ABLIM1: variants seen among roughly 807,000 people sequenced by gnomAD.
ABLIM1 encodes actin-binding LIM protein 1.
ABLIM1 carries 40 observed loss-of-function variants against 107.0 expected under a neutral mutation model. That is an observed-to-expected ratio of 0.37 (90% CI 0.29 to 0.49). The LOEUF (loss-of-function observed/expected upper bound fraction) is 0.49, where lower values mean the gene tolerates loss of function less well. Ranked by LOEUF, ABLIM1 falls within the 20% of genes least tolerant of loss-of-function variation. The pLI, the probability that ABLIM1 is intolerant of heterozygous loss-of-function variation, is 0.97. For synonymous variants in ABLIM1, 357 were observed against 357.3 expected (o/e 1.00, Z 0.01); for missense variants, 857 against 1,008.5 (o/e 0.85, Z 2.04).
chr10:114,755,337 C>T (rs1426048962), intron 1 of ABLIM1, among the ~76,000 whole-genome samples: 1 of 152,188 alleles, frequency 6.6e-6, no homozygotes, highest in Non-Finnish European at 1.5e-5. Context: ...AACTGTCTTC[C>T]ACGAAACCAG....
intron 1 of ABLIM1, chr10:114,632,087 C>CGAT: frequency 2.0e-6 from 2 of 985,276 alleles, no homozygotes; most frequent in Non-Finnish European, 2.4e-6. Flanking sequence ...CCCGCCTCGG[C>CGAT]GGGCCCCGCT....
chr10:114,521,851 A>G (rs1241438445), intron 6 of ABLIM1, among the ~76,000 whole-genome samples: 1 of 152,190 alleles, frequency 6.6e-6, no homozygotes, highest in Non-Finnish European at 1.5e-5. Flanking sequence ...ATACAAGCAG[A>G]TAAGAATTCC....
intron 6 of ABLIM1, among the ~76,000 whole-genome samples, chr10:114,502,753 A>C (rs895108406): frequency 2.6e-5 from 4 of 152,086 alleles, no homozygotes; most frequent in Admixed American, 1.3e-4. Context: ...CACCTGGCCA[A>C]ATTTTTAAGT....
At chr10:114,778,627 T>A in the ABLIM1 span, 8 of 146,522 alleles carry the variant, frequency 5.5e-5, no homozygotes, top group Non-Finnish European at 6.0e-5. Context: ...ATTTTAACAA[T>A]ACCAAACTCC....
Position 114,453,482 on chromosome 10 carries a change from G to T in ABLIM1, c.1443C>A (p.Gly481=). Residue 481 remains glycine, a splice_region_variant and synonymous_variant, in exon 13 of 23, where the codon GGC becomes GGA. Coordinates refer to ENST00000533213, the MANE Select transcript of ABLIM1 (RefSeq NM_002313.7). ...AGTTCCGGCCGCTGGACGGCTCATTGCCTCCAATGAGAAGAATGGAAAAAA... is the reference window on the plus strand; with the variant it reads ...AGTTCCGGCCGCTGGACGGCTCATTTCCTCCAATGAGAAGAATGGAAAAAA... ...SRSPQHFHRP[G]NEPSSGRNSP... 1 of 1,565,874 alleles carries T rather than the reference G, an allele frequency of 6.4e-7. No homozygotes were observed. The highest frequency in any genetic ancestry group is 8.7e-7 in the Non-Finnish European group (1 of 1,153,098).
chr10:114,690,360 C>A (rs2081048554), intron 1 of ABLIM1: 1 of 1,604,706 alleles, frequency 6.2e-7, no homozygotes, highest in Admixed American at 1.7e-5. Flanking sequence ...GATGCCAGGA[C>A]CTGTATGCTT....
chr10:114,655,970 G>A (rs910758510), intron 1 of ABLIM1, among the ~76,000 whole-genome samples: 1 of 152,088 alleles, frequency 6.6e-6, no homozygotes, highest in East Asian at 1.9e-4. Context: ...AGGATGGCTA[G>A]AATAAAAAAG....
upstream of ABLIM1, chr10:114,658,388 T>C (rs2079629589): frequency 8.6e-7 from 1 of 1,167,950 alleles, no homozygotes; most frequent in South Asian, 2.8e-5. Flanking sequence ...CTCAGTCAGA[T>C]GACTAGGTAT....
At chr10:114,605,780 A>G (rs529130727) in intron 1 of ABLIM1, among the ~76,000 whole-genome samples, 1 of 152,288 alleles carries the variant, frequency 6.6e-6, no homozygotes, top group East Asian at 1.9e-4. Flanking sequence ...GTTTAGAGGA[A>G]TTCTCACTAC....
At chr10:114,654,015 A>G (rs1302077157) in intron 1 of ABLIM1, among the ~76,000 whole-genome samples, 5 of 152,278 alleles carry the variant, frequency 3.3e-5, no homozygotes, top group Non-Finnish European at 7.3e-5. Context: ...AAGCTGCAGC[A>G]TCGTGAGATC....
intron 1 of ABLIM1, among the ~76,000 whole-genome samples, chr10:114,608,243 A>G (rs1239613544): frequency 6.6e-6 from 1 of 152,248 alleles, no homozygotes; most frequent in Non-Finnish European, 1.5e-5. Flanking sequence ...ATGTGCCTGT[A>G]GTCCCAGCTA....
intron 6 of ABLIM1, among the ~76,000 whole-genome samples, chr10:114,536,243 T>G (rs1215150164): frequency 1.4e-4 from 10 of 73,866 alleles, no homozygotes; most frequent in African/African-American, 4.4e-4. Context: ...TTTTTTTTTT[T>G]TTTTTTTTTT....
Position 114,516,803 on chromosome 10 carries a change from G to A in ABLIM1, c.895-24925C>T, listed in dbSNP as rs139086686. Among the ~76,000 whole-genome samples, 9 of 152,268 alleles carry A rather than the reference G, an allele frequency of 5.9e-5. No homozygotes were observed. In the East Asian group the frequency reaches 1.5e-3, roughly 26 times the overall value. On this transcript the variant is annotated intron_variant, in intron 6 of 22. Coordinates refer to ENST00000533213, the MANE Select transcript of ABLIM1 (RefSeq NM_002313.7). The stretch of plus-strand genomic sequence containing the variant: ...GGCTGCCATTCAGCTAAAACTCTCA[G>A]GGCTTACAAAAGCACATTTTTCTTC...
intron 2 of ABLIM1, among the ~76,000 whole-genome samples, chr10:114,588,952 T>C (rs1464460647): frequency 6.6e-6 from 1 of 152,126 alleles, no homozygotes; most frequent in Non-Finnish European, 1.5e-5. Flanking sequence ...ATGTACCGCA[T>C]AATGATATTT....
At chr10:114,442,450 T>C (rs2060329958) in intron 17 of ABLIM1, among the ~76,000 whole-genome samples, 1 of 152,244 alleles carries the variant, frequency 6.6e-6, no homozygotes, top group Non-Finnish European at 1.5e-5. Context: ...ACATGGTGTT[T>C]AATCTTTCTG....
intron 1 of ABLIM1, chr10:114,613,559 T>C: frequency 1.4e-6 from 1 of 700,402 alleles, no homozygotes; most frequent in Non-Finnish European, 2.2e-6. Flanking sequence ...AAGCTTTTCA[T>C]TCAAGTGCTT....
At chr10:114,508,767 T>C (rs2061475448) in intron 6 of ABLIM1, among the ~76,000 whole-genome samples, 1 of 152,212 alleles carries the variant, frequency 6.6e-6, no homozygotes, top group Non-Finnish European at 1.5e-5. Flanking sequence ...TGGCAGTTAC[T>C]GTGAATTAAA....
At chr10:114,520,468 A>G (rs538293436) in intron 6 of ABLIM1, among the ~76,000 whole-genome samples, 3 of 152,126 alleles carry the variant, frequency 2.0e-5, no homozygotes, top group East Asian at 3.9e-4. Context: ...TGTAAGTTTC[A>G]TATTCTAGGG....
At chr10:114,463,386 T>A (rs2133455566) in intron 12 of ABLIM1, among the ~76,000 whole-genome samples, 1 of 151,966 alleles carries the variant, frequency 6.6e-6, no homozygotes, top group South Asian at 2.1e-4. Context: ...GGGTACAGAG[T>A]CACTCTCTGA....
Sources: allele counts gnomAD v4.1 joint callset (sites outside exome capture counted in the v4.1 genomes callset), GRCh38; gene constraint gnomAD v4.1.1; transcripts MANE v1.5; gene names NCBI Gene and HGNC (gene_info 2026-07-23, HGNC 2026-07-21).